The following EML4 variants were observed in gnomAD, a reference collection of about 807,000 sequenced individuals.
The protein encoded by EML4 is EMAP like 4, also known as echinoderm microtubule-associated protein-like 4.
EML4 carries 72 observed loss-of-function variants against 129.0 expected under a neutral mutation model. The ratio of observed to expected loss-of-function variants is 0.56; its 90% CI spans 0.46 to 0.68. EML4 has a LOEUF of 0.68. Among genes scored for constraint, EML4 ranks in the 30% least tolerant of loss-of-function variants. The pLI is 0.00. For synonymous variants in EML4, 532 were observed against 405.0 expected (o/e 1.31, Z -3.77); for missense variants, 1,363 against 1,190.6 (o/e 1.14, Z -2.13).
chr2:42,213,669 T>G (rs905808110), intron 1 of EML4, among the ~76,000 whole-genome samples: 1 of 152,226 alleles, frequency 6.6e-6, no homozygotes, highest in Non-Finnish European at 1.5e-5. Flanking sequence ...TATGAATCTT[T>G]CCTTGCTTCC....
intron 1 of EML4, among the ~76,000 whole-genome samples, chr2:42,199,820 A>C (rs1672114083): frequency 6.6e-6 from 1 of 152,232 alleles, no homozygotes; most frequent in African/African-American, 2.4e-5. Flanking sequence ...GCCATAAGTT[A>C]CTAGTCAGAT....
At chr2:42,286,049 T>G in intron 9 of EML4, 1 of 605,132 alleles carries the variant, frequency 1.7e-6, no homozygotes, top group Non-Finnish European at 3.0e-6. Flanking sequence ...GAATAGTATG[T>G]GTAACATAGT....
chr2:42,176,646 A>G (rs1670619019), intron 1 of EML4, among the ~76,000 whole-genome samples: 1 of 152,166 alleles, frequency 6.6e-6, no homozygotes, highest in East Asian at 1.9e-4. Flanking sequence ...TTCCCAGCCC[A>G]AAGTATTCTT....
intron 1 of EML4, among the ~76,000 whole-genome samples, chr2:42,222,517 A>G (rs964564598): frequency 6.6e-6 from 1 of 152,166 alleles, no homozygotes; most frequent in Admixed American, 6.5e-5. Flanking sequence ...TTGTGCTGCC[A>G]CAGCAGAGTC....
At chr2:42,253,945 C>A (rs886215987) in intron 2 of EML4, among the ~76,000 whole-genome samples, 2 of 152,124 alleles carry the variant, frequency 1.3e-5, no homozygotes, top group African/African-American at 2.4e-5. Flanking sequence ...AAATCTTGTT[C>A]TTTCAAAAAC....
In EML4 at chr2:42,261,330, G is replaced by C. The variant is rs372610199; in HGVS notation, c.512+36G>C. On this transcript the variant is annotated intron_variant, in intron 4 of 22. Coordinates refer to ENST00000318522, the MANE Select transcript of EML4 (RefSeq NM_019063.5). Reference sequence around the variant, plus strand: ...TCCCCAAGTACAGAGCTAGGGAATGGTTGTAATGATACCTAAATTCTGTGA... The same window carrying C: ...TCCCCAAGTACAGAGCTAGGGAATGCTTGTAATGATACCTAAATTCTGTGA... 3 of 1,511,618 alleles carry C rather than the reference G, an allele frequency of 2.0e-6. No individual in the cohort carries two copies. In the African/African-American group the frequency reaches 4.2e-5, roughly 21 times the overall value. The allele number at this position is 1,511,618 out of a possible 1,614,324, so 93.6% of individuals were successfully genotyped here. A position where few individuals can be genotyped will look rare whatever the true frequency, so the allele number is the denominator to read the frequency against.
intron 21 of EML4, among the ~76,000 whole-genome samples, chr2:42,327,184 T>C (rs1442994746): frequency 6.6e-6 from 1 of 152,260 alleles, no homozygotes; most frequent in Non-Finnish European, 1.5e-5. Flanking sequence ...TACTTTACTC[T>C]TTTTATGGCT....
rs762208997 is a variant in EML4, at chr2:42,330,234, C to T, written c.*27C>T. 9.5e-6 allele frequency: 15 copies of T among 1,586,716 alleles called. No individual in the cohort carries two copies. The East Asian group carries it at 3.1e-4, about 33-fold the overall frequency. ...ACCCTGGCTTCAGTGCAACTCTTTT[C>T]CTTCAGCTGCATGTGATTTTGTGAT... is the stretch of plus-strand genomic sequence containing the variant. On this transcript the variant is annotated 3_prime_UTR_variant, in exon 23 of 23. Transcript: ENST00000318522.
In EML4 at chr2:42,282,951, G is replaced by T; in HGVS notation, c.920G>T (p.Gly307Val). The change falls in exon 8 of 23, where the codon GGC becomes GTC. Residue 307 changes from glycine to valine, a missense_variant. Coordinates refer to ENST00000318522, the MANE Select transcript of EML4 (RefSeq NM_019063.5). ...YEERTQRHYL[G>V]HTDCVKCLAI... is the part of the protein sequence containing the mutation. ...GAGAGAACTCAGCGACACTACCTGG[G>T]CCATACAGACTGTGTGAAATGGTTG... 6.2e-7 allele frequency: 1 copy of T among 1,613,422 alleles called. No individual in the cohort carries two copies. The highest frequency in any genetic ancestry group is 8.5e-7 in the Non-Finnish European group (1 of 1,179,754).
chr2:42,204,079 C>T lies in EML4; in HGVS notation c.25+34443C>T, dbSNP rs181105343. Among the ~76,000 whole-genome samples the T allele has an allele frequency of 1.1e-4, 16 of 152,136 alleles. No homozygotes were observed. The East Asian group carries it at 2.1e-3, about 20-fold the overall frequency. On this transcript the variant is annotated intron_variant, in intron 1 of 22. Coordinates refer to ENST00000318522, the MANE Select transcript of EML4 (RefSeq NM_019063.5). ...GGACTACAGCCATATGCCACTACCC[C>T]GGGCTAATTTTTAAATTTTTTAATA...
intron 19 of EML4, among the ~76,000 whole-genome samples, chr2:42,318,329 A>G (rs1041264910): frequency 1.3e-5 from 2 of 152,244 alleles, no homozygotes; most frequent in Admixed American, 1.3e-4. Flanking sequence ...TACATCTTGT[A>G]ATAAGCAAAA....
At chr2:42,248,647 A>G (rs1675569128) in intron 2 of EML4, among the ~76,000 whole-genome samples, 1 of 152,100 alleles carries the variant, frequency 6.6e-6, no homozygotes, top group Non-Finnish European at 1.5e-5. Flanking sequence ...TTTTCACATA[A>G]CACTAACTTA....
chr2:42,173,365 G>C (rs1670387757), intron 1 of EML4, among the ~76,000 whole-genome samples: 2 of 151,906 alleles, frequency 1.3e-5, no homozygotes, highest in Admixed American at 6.6e-5. Flanking sequence ...CTCAAGTTGT[G>C]TAACCAGACA....
chr2:42,281,922 A>G (rs1032672896), intron 7 of EML4, among the ~76,000 whole-genome samples: 1 of 152,312 alleles, frequency 6.6e-6, no homozygotes, highest in African/African-American at 2.4e-5. Flanking sequence ...TCTTAGGCAG[A>G]TATCAGCTTG....
chr2:42,236,552 TACAAAGGCACATCTGAGTA>T (rs1174379823), intron 1 of EML4, among the ~76,000 whole-genome samples: 1 of 152,228 alleles, frequency 6.6e-6, no homozygotes, highest in Non-Finnish European at 1.5e-5. Flanking sequence ...GTTTTTGTGT[TACAAAGGCACATCTGAGTA>T]GTTTGCTCCA....
intron 19 of EML4, among the ~76,000 whole-genome samples, chr2:42,318,143 G>A (rs1026959338): frequency 1.3e-5 from 2 of 152,146 alleles, no homozygotes; most frequent in African/African-American, 2.4e-5. Context: ...GTGTTCCTTT[G>A]TCCTCAAGAA....
At chr2:42,232,393 C>T (rs1321074591) in intron 1 of EML4, among the ~76,000 whole-genome samples, 1 of 152,116 alleles carries the variant, frequency 6.6e-6, no homozygotes, top group African/African-American at 2.4e-5. Flanking sequence ...AATTTGGGTC[C>T]ATTTATTGTA....
chr2:42,194,424 A>G (rs1671782994), intron 1 of EML4, among the ~76,000 whole-genome samples: 1 of 148,304 alleles, frequency 6.7e-6, no homozygotes, highest in African/African-American at 2.5e-5. Context: ...GTCAGAAAAT[A>G]TTTTGTGAAT....
chr2:42,263,070 A>G (rs1407864544), intron 4 of EML4, 108 bp from the exon 5 acceptor site: 5 of 904,394 alleles, frequency 5.5e-6, no homozygotes, highest in South Asian at 5.2e-5. Context: ...TCTTTTCTGG[A>G]TTAGCTTTAA....
Sources: allele counts gnomAD v4.1 joint callset (sites outside exome capture counted in the v4.1 genomes callset), GRCh38; gene constraint gnomAD v4.1.1; transcripts MANE v1.5; gene names NCBI Gene and HGNC (gene_info 2026-07-23, HGNC 2026-07-21).